Variants in DDC observed in about 807,000 individuals in gnomAD.
DDC encodes aromatic-L-amino-acid decarboxylase.
A neutral mutation model predicts 60.0 loss-of-function variants in DDC; 43 were observed. That is an observed-to-expected ratio of 0.72 (90% CI 0.56 to 0.92). DDC has a LOEUF of 0.92. Among genes scored for constraint, DDC ranks in the 40% least tolerant of loss-of-function variants. The pLI is 0.00. For missense variants in DDC, 573 were observed against 620.2 expected (o/e 0.92, Z 0.81); for synonymous variants, 232 against 234.6 (o/e 0.99, Z 0.10).
chr7:50,489,169 G>C (rs2042947541), intron 9 of DDC, among the ~76,000 whole-genome samples: 1 of 152,068 alleles, frequency 6.6e-6, no homozygotes. Context: ...ACCACACCTG[G>C]CTAATTTTTG....
chr7:50,561,193 C>T (rs1183003528), intron 1 of DDC: 1 of 152,264 alleles, frequency 6.6e-6, no homozygotes, highest in Non-Finnish European at 1.5e-5. Context: ...CCCACCACCT[C>T]CTGCCCCCAC....
chr7:50,489,907 A>T (rs2042963854), intron 9 of DDC, among the ~76,000 whole-genome samples: 1 of 152,254 alleles, frequency 6.6e-6, no homozygotes. Context: ...GGTCAAGATG[A>T]TTAAAATTTA....
At chr7:50,509,090 G>A (rs6975747) in intron 6 of DDC, among the ~76,000 whole-genome samples, 14,742 of 152,038 alleles carry the variant, frequency 0.097, 810 homozygotes, top group Non-Finnish European at 0.12. Flanking sequence ...ATCAAATGGC[G>A]TGGAGATGGG....
At chr7:50,506,906 T>G (rs2043413971) in intron 6 of DDC, among the ~76,000 whole-genome samples, 1 of 152,234 alleles carries the variant, frequency 6.6e-6, no homozygotes. Flanking sequence ...TCTCCGCATT[T>G]GTTTCATTTT....
At chr7:50,537,738 T>C in intron 4 of DDC, 122 bp downstream of exon 4, 1 of 1,319,034 alleles carries the variant, frequency 7.6e-7, no homozygotes, top group Non-Finnish European at 1.1e-6. Context: ...CGGTTTTGTT[T>C]ATTCTCCAGG....
intron 6 of DDC, among the ~76,000 whole-genome samples, chr7:50,520,601 C>A (rs2043862224): frequency 6.6e-6 from 1 of 152,082 alleles, no homozygotes; most frequent in African/African-American, 2.4e-5. Context: ...ACCTTAATAA[C>A]CTAGAAAAAA....
intron 6 of DDC, among the ~76,000 whole-genome samples, chr7:50,505,550 C>G (rs181347805): frequency 5.7e-4 from 87 of 152,338 alleles, no homozygotes; most frequent in African/African-American, 2.0e-3. Flanking sequence ...TCACCTATGA[C>G]TGCCTCGCAT....
chr7:50,517,589 G>A (rs979918563), intron 6 of DDC, among the ~76,000 whole-genome samples: 1 of 152,060 alleles, frequency 6.6e-6, no homozygotes, highest in Non-Finnish European at 1.5e-5. Context: ...AATCAGACAA[G>A]AGAAAGAAAT....
At chr7:50,564,986 G>GA (rs1406417417) in intron 1 of DDC, among the ~76,000 whole-genome samples, 1 of 152,108 alleles carries the variant, frequency 6.6e-6, no homozygotes, top group Non-Finnish European at 1.5e-5. Context: ...GTGGTGCATG[G>GA]AAAAAATAGA....
intron 1 of DDC, among the ~76,000 whole-genome samples, chr7:50,551,727 C>T (rs1446747186): frequency 2.0e-5 from 3 of 152,046 alleles, no homozygotes; most frequent in Non-Finnish European, 2.9e-5. Flanking sequence ...CAGGCATTTT[C>T]CTCATTTTTG....
intron 7 of DDC, among the ~76,000 whole-genome samples, chr7:50,499,589 G>C (rs982558916): frequency 6.6e-6 from 1 of 152,030 alleles, no homozygotes; most frequent in East Asian, 1.9e-4. Flanking sequence ...CACCCACCTG[G>C]AATTCCCTTC....
In DDC at chr7:50,545,654, G is replaced by A. The variant is rs539236967; in HGVS notation, c.-28-1541C>T. 1.9e-4 allele frequency among the ~76,000 whole-genome samples: 29 copies of A among 152,274 alleles called. 1 individual carries two copies. The South Asian group carries it at 5.8e-3, about 30-fold the overall frequency. ...TGCCCAGCTAATTTTTGTATTTTTA[G>A]TAGAGGCGGGGTTTCACCACATTGG... On this transcript the variant is annotated intron_variant, in intron 1 of 14. Coordinates refer to ENST00000444124, the MANE Select transcript of DDC (RefSeq NM_001082971.2).
chr7:50,481,985 A>T (rs2153536624), intron 9 of DDC, among the ~76,000 whole-genome samples: 1 of 152,184 alleles, frequency 6.6e-6, no homozygotes, highest in Non-Finnish European at 1.5e-5. Flanking sequence ...TCATTCTATC[A>T]TTTCCCATTT....
chr7:50,505,201 C>T (rs2043358540), intron 6 of DDC, among the ~76,000 whole-genome samples: 1 of 152,210 alleles, frequency 6.6e-6, no homozygotes, highest in Non-Finnish European at 1.5e-5. Context: ...AGCCAGGGAC[C>T]CTGTCTCATT....
chr7:50,552,714 A>G (rs190621247), intron 1 of DDC, among the ~76,000 whole-genome samples: 22 of 152,318 alleles, frequency 1.4e-4, no homozygotes, highest in Admixed American at 1.3e-4. Context: ...GACAACAGAG[A>G]GCACTGTAGG....
chr7:50,519,561 C>T (rs1416302077), intron 6 of DDC, among the ~76,000 whole-genome samples: 4 of 152,148 alleles, frequency 2.6e-5, no homozygotes, highest in Non-Finnish European at 4.4e-5. Flanking sequence ...ACTACTCAGC[C>T]ATAAAAAGTA....
intron 12 of DDC, 38 bp from the exon 13 acceptor site, chr7:50,467,353 C>T: frequency 6.5e-7 from 1 of 1,544,982 alleles, no homozygotes; most frequent in Non-Finnish European, 8.9e-7. Context: ...TTTCTCATGG[C>T]CATTTAATTC....
chr7:50,492,380 A>G (rs1014624961), intron 9 of DDC, among the ~76,000 whole-genome samples: 2 of 152,154 alleles, frequency 1.3e-5, no homozygotes, highest in African/African-American at 2.4e-5. Flanking sequence ...GGTTTTGGAG[A>G]GATCTGATTT....
chr7:50,487,920 C>T (rs2042919963), intron 9 of DDC, among the ~76,000 whole-genome samples: 1 of 151,966 alleles, frequency 6.6e-6, no homozygotes, highest in Non-Finnish European at 1.5e-5. Context: ...ATAAATGCAG[C>T]CCAAAAGAGA....
Sources: gnomAD v4.1 joint callset for allele counts (sites outside exome capture counted in the v4.1 genomes callset) on GRCh38, gnomAD v4.1.1 for gene constraint, MANE v1.5 for transcripts, NCBI Gene and HGNC (gene_info 2026-07-23, HGNC 2026-07-21) for gene names.